FAM118B: variants seen among roughly 807,000 people sequenced by gnomAD.
The protein encoded by FAM118B is SIR2 antiphage like 1, also known as protein FAM118B.
FAM118B carries 24 observed loss-of-function variants against 38.5 expected under a neutral mutation model. That is an observed-to-expected ratio of 0.62 (90% confidence interval 0.45 to 0.88). The LOEUF is 0.88. FAM118B is among the 40% of genes least tolerant of loss of function. FAM118B has a pLI of 0.00. For synonymous variants in FAM118B, 138 were observed against 156.3 expected, an observed-to-expected ratio of 0.88 and a Z score of 0.87; for missense variants, 334 against 420.0, an observed-to-expected ratio of 0.80 and a Z score of 1.79.
At chr11:126,219,590 T>A (rs1014690010) in intron 1 of FAM118B, among the ~76,000 whole-genome samples, 3 of 151,978 alleles carry the variant, frequency 2.0e-5, no homozygotes, top group African/African-American at 7.2e-5. Flanking sequence ...AGAGTCAAAT[T>A]AACAGAGTAC....
chr11:126,233,893 G>A (rs1182422715), intron 2 of FAM118B, among the ~76,000 whole-genome samples: 1 of 152,152 alleles, frequency 6.6e-6, no homozygotes, highest in African/African-American at 2.4e-5. Context: ...GACCAGCTGG[G>A]CAACATGGCA....
rs1950518119 is a variant in FAM118B, at chr11:126,252,480, T to C, written c.567+1747T>C. Among the ~76,000 whole-genome samples, 3 of 152,120 alleles carry C rather than the reference T, an allele frequency of 2.0e-5. No individual in the cohort carries two copies. The South Asian group carries it at 6.2e-4, about 32-fold the overall frequency. ...AAATGATTGGGCTGGGCACAGCAGC[T>C]CAGGCCTGTAACCCCAGCACTTTGG... is the stretch of plus-strand genomic sequence containing the variant. On this transcript the variant is annotated intron_variant, in intron 5 of 8. Transcript: ENST00000533050. This position sits in a 1 kb window ranked among gnomAD's most constrained non-coding sequence, Gnocchi z 4.7.
chr11:126,219,890 GT>G (rs577541999), intron 1 of FAM118B, among the ~76,000 whole-genome samples: 106 of 146,908 alleles, frequency 7.2e-4, no homozygotes, highest in African/African-American at 2.4e-3. Context: ...AGCTGCTTGA[GT>G]TTTTTTTTTA....
chr11:126,213,575 C>T (rs1218704066), intron 1 of FAM118B, among the ~76,000 whole-genome samples: 1 of 152,234 alleles, frequency 6.6e-6, no homozygotes, highest in Non-Finnish European at 1.5e-5. Flanking sequence ...TCCAAGGACC[C>T]TGAAGTTTTG....
chr11:126,261,326 C>T (rs1293256134), intron 7 of FAM118B, 99 bp from the exon 8 acceptor site: 2 of 907,816 alleles, frequency 2.2e-6, no homozygotes, highest in Admixed American at 2.1e-5. Context: ...CATTCCTTTT[C>T]AGTCGTACCA....
chr11:126,244,834 G>T lies in FAM118B; in HGVS notation c.339+3790G>T, dbSNP rs529475776. On this transcript the variant is annotated intron_variant, in intron 4 of 8. Transcript: ENST00000533050. The surrounding 1 kb of genome is among the most constrained non-coding windows in gnomAD (Gnocchi z 4.5). ...ATAAATAAATAAGTGGAGAACTTAT[G>T]CTTTGAAAACTACAAAACACTGAAA... is the stretch of plus-strand genomic sequence containing the variant. 6.6e-6 allele frequency among the ~76,000 whole-genome samples: 1 copy of T among 151,992 alleles called. No individual in the cohort carries two copies. Among genetic ancestry groups the T allele is most frequent in the African/African-American group, 2.4e-5 (1 of 41,458 alleles).
chr11:126,213,848 A>G (rs774624562), intron 1 of FAM118B, among the ~76,000 whole-genome samples: 1 of 152,244 alleles, frequency 6.6e-6, no homozygotes, highest in Non-Finnish European at 1.5e-5. Flanking sequence ...TGACTTAAGA[A>G]TAAAAATATT....
At chr11:126,249,731 C>CAAAAAAAA (rs71048775) in intron 4 of FAM118B, among the ~76,000 whole-genome samples, 21 of 78,950 alleles carry the variant, frequency 2.7e-4, no homozygotes, top group South Asian at 1.1e-3. Flanking sequence ...GACTCCGTCT[C>CAAAAAAAA]AAAAAAAAAA....
intron 1 of FAM118B, among the ~76,000 whole-genome samples, chr11:126,224,498 A>T (rs950971150): frequency 6.9e-6 from 1 of 145,812 alleles, no homozygotes; most frequent in Non-Finnish European, 1.5e-5. Flanking sequence ...AAAAAAAAAA[A>T]AAAAAATTAG....
chr11:126,215,991 G>A lies in FAM118B; in HGVS notation c.-77+4161G>A, dbSNP rs149103896. 7.9e-5 allele frequency among the ~76,000 whole-genome samples: 12 copies of A among 152,278 alleles called. No homozygotes were observed. In the East Asian group the frequency reaches 2.1e-3, roughly 27 times the overall value. ...ATTGCAGTACTGCACTCCAGCCTGG[G>A]TGACAGAGACAGACCCATCTCAAAA... On this transcript the variant is annotated intron_variant, in intron 1 of 8. Transcript: ENST00000533050.
At chr11:126,251,967 C>T (rs902225716) in intron 5 of FAM118B, among the ~76,000 whole-genome samples, 1 of 151,208 alleles carries the variant, frequency 6.6e-6, no homozygotes, top group Non-Finnish European at 1.5e-5. Flanking sequence ...CAGGCATGTG[C>T]CTGGCCGTTT....
chr11:126,248,732 A>G (rs1950455537), intron 4 of FAM118B, among the ~76,000 whole-genome samples: 1 of 152,170 alleles, frequency 6.6e-6, no homozygotes. Context: ...TAATGACATT[A>G]ATCAATTCAT....
chr11:126,218,325 A>T (rs1210366173), intron 1 of FAM118B, among the ~76,000 whole-genome samples: 3 of 152,132 alleles, frequency 2.0e-5, no homozygotes, highest in Admixed American at 2.0e-4. Context: ...ACTTGCTCCC[A>T]CACCTCACTT....
chr11:126,234,111 A>C (rs555338710), intron 2 of FAM118B, among the ~76,000 whole-genome samples: 2 of 152,222 alleles, frequency 1.3e-5, no homozygotes, highest in African/African-American at 2.4e-5. Flanking sequence ...GCTTTCTAAT[A>C]AAACAGTAAA....
At position 126,219,349 on chromosome 11, in the gene FAM118B, C is replaced by CTTTTTTT. The variant is rs549922825; in HGVS notation, c.-77+7553_-77+7559dup. ...AGCTTATCCTTCAGCTCTTGTTTAT[C>CTTTTTTT]TTTTTTTTTTTTTTTTTTTTTTTTT... On this transcript the variant is annotated intron_variant, in intron 1 of 8. Coordinates refer to ENST00000533050, the MANE Select transcript of FAM118B (RefSeq NM_024556.4). Among the ~76,000 whole-genome samples the CTTTTTTT allele has an allele frequency of 9.9e-4, 44 of 44,466 alleles. 8 individuals carry two copies. The highest frequency in any genetic ancestry group is 1.3e-3 in the Non-Finnish European group (33 of 25,872). 29.2% of individuals were successfully genotyped at this position (44,466 alleles called of 152,430 possible).
Position 126,244,696 on chromosome 11 carries a change from C to T in FAM118B, c.339+3652C>T, listed in dbSNP as rs910346440. The stretch of plus-strand genomic sequence containing the variant: ...GCGGGTGCCTATAATCCCAGCTACT[C>T]GGGAGGTGGAGGCAGGAGAATCACT... On this transcript the variant is annotated intron_variant, in intron 4 of 8. Transcript: ENST00000533050. The surrounding 1 kb of genome is among the most constrained non-coding windows in gnomAD (Gnocchi z 4.5). Among the ~76,000 whole-genome samples, 2 of 152,046 alleles carry T rather than the reference C, an allele frequency of 1.3e-5. No homozygotes were observed. Among genetic ancestry groups the T allele is most frequent in the Admixed American group, 6.6e-5 (1 of 15,256 alleles).
chr11:126,219,864 A>AG (rs960511534), intron 1 of FAM118B, among the ~76,000 whole-genome samples: 1 of 152,168 alleles, frequency 6.6e-6, no homozygotes, highest in Non-Finnish European at 1.5e-5. Flanking sequence ...CTTAAAAAAA[A>AG]AAAAAAAGCA....
chr11:126,223,380 A>G (rs1950092454), intron 1 of FAM118B, among the ~76,000 whole-genome samples: 1 of 151,946 alleles, frequency 6.6e-6, no homozygotes, highest in Non-Finnish European at 1.5e-5. Context: ...CGGGCAGATC[A>G]CGAGTCAGGA....
At chr11:126,239,906 A>G (rs964809299) in intron 3 of FAM118B, among the ~76,000 whole-genome samples, 1 of 152,208 alleles carries the variant, frequency 6.6e-6, no homozygotes, top group African/African-American at 2.4e-5. Context: ...AGGTTTCCCA[A>G]GGCTTGAAAG....
Sources: allele counts gnomAD v4.1 joint callset (sites outside exome capture counted in the v4.1 genomes callset), GRCh38; gene constraint gnomAD v4.1.1; non-coding constraint Gnocchi (gnomAD v3.1); transcripts MANE v1.5; gene names NCBI Gene and HGNC (gene_info 2026-07-23, HGNC 2026-07-21).